BRINP2: variants seen among roughly 807,000 people sequenced by gnomAD.
BRINP2 encodes BMP/retinoic acid-inducible neural-specific protein 2.
BRINP2 carries 21 observed loss-of-function variants against 69.2 expected under a neutral mutation model. That is an observed-to-expected ratio of 0.30 (90% CI 0.22 to 0.44). The LOEUF is 0.44. Ranked by LOEUF, BRINP2 falls within the 20% of genes least tolerant of loss-of-function variation. BRINP2 has a pLI of 1.00. For missense variants in BRINP2, 877 were observed against 986.0 expected, an observed-to-expected ratio of 0.89 and a Z score of 1.48; for synonymous variants, 380 against 394.1, an observed-to-expected ratio of 0.96 and a Z score of 0.42.
At chr1:177,228,480 G>A (rs994378143) in intron 1 of BRINP2, among the ~76,000 whole-genome samples, 2 of 152,146 alleles carry the variant, frequency 1.3e-5, no homozygotes, top group African/African-American at 2.4e-5. Context: ...TCTGGCAGGG[G>A]GCATAAATCA....
chr1:177,218,534 T>C (rs372798117), intron 1 of BRINP2, among the ~76,000 whole-genome samples: 29 of 152,364 alleles, frequency 1.9e-4, no homozygotes, highest in East Asian at 1.2e-3. Flanking sequence ...CTCCTGACTT[T>C]GTTTTTACCT....
Position 177,281,581 on chromosome 1 carries a change from C to T in BRINP2, c.*53C>T. 1 of 1,524,878 alleles carries T rather than the reference C, an allele frequency of 6.6e-7. No homozygotes were observed. The highest frequency in any genetic ancestry group is 8.7e-7 in the Non-Finnish European group (1 of 1,143,322). 94.5% of individuals were successfully genotyped at this position (1,524,878 alleles called of 1,614,324 possible). ...GGAGGGGATCCATGAATCTGGGGTACAAAGATAATCTAAGCCCTCACCTTA... is the reference window on the plus strand; with the variant it reads ...GGAGGGGATCCATGAATCTGGGGTATAAAGATAATCTAAGCCCTCACCTTA... On this transcript the variant is annotated 3_prime_UTR_variant, in exon 8 of 8. Transcript: ENST00000361539.
intron 2 of BRINP2, among the ~76,000 whole-genome samples, chr1:177,243,666 A>G (rs1334960067): frequency 6.6e-6 from 1 of 152,250 alleles, no homozygotes; most frequent in Non-Finnish European, 1.5e-5. Flanking sequence ...TAGTCAAAAT[A>G]GGGTAACTGC....
At chr1:177,276,544 ATG>A in intron 6 of BRINP2, 110 bp downstream of exon 6, 4 of 953,342 alleles carry the variant, frequency 4.2e-6, no homozygotes, top group Non-Finnish European at 6.4e-6. Flanking sequence ...GGATCCTGAC[ATG>A]ACCACTTAAT....
At chr1:177,275,173 A>G (rs966714812) in intron 5 of BRINP2, 1 of 456,284 alleles carries the variant, frequency 2.2e-6, no homozygotes, top group Admixed American at 2.3e-5. Context: ...CCCTTTGTTC[A>G]TCCTTTGGTA....
In BRINP2 at chr1:177,187,664, G is replaced by A. The variant is rs535592609; in HGVS notation, c.-77+15932G>A. On this transcript the variant is annotated intron_variant, in intron 1 of 7. Transcript: ENST00000361539. ...GGCCGCTCAACCACTCATGTATGTCGGTATGTCGACTTCCGCTCTTGTTCT... is the reference window on the plus strand; with the variant it reads ...GGCCGCTCAACCACTCATGTATGTCAGTATGTCGACTTCCGCTCTTGTTCT... Among the ~76,000 whole-genome samples the A allele has an allele frequency of 1.8e-4, 27 of 152,162 alleles. 2 individuals are homozygous for A. The South Asian group carries it at 1.9e-3, about 11-fold the overall frequency.
At chr1:177,268,825 G>A (rs1283409116) in intron 4 of BRINP2, among the ~76,000 whole-genome samples, 5 of 152,182 alleles carry the variant, frequency 3.3e-5, no homozygotes, top group African/African-American at 4.8e-5. Context: ...GGTGAAGGCA[G>A]ACTTACATGG....
intron 1 of BRINP2, among the ~76,000 whole-genome samples, chr1:177,178,943 A>T (rs765084962): frequency 9.9e-5 from 15 of 152,214 alleles, no homozygotes; most frequent in Non-Finnish European, 1.8e-4. Flanking sequence ...CTTAAGTGTC[A>T]GGCAGACACT....
chr1:177,185,500 G>A (rs1487925599), intron 1 of BRINP2, among the ~76,000 whole-genome samples: 4 of 152,172 alleles, frequency 2.6e-5, no homozygotes, highest in Non-Finnish European at 4.4e-5. Flanking sequence ...AAGTGCATGC[G>A]GAGTTAGGGG....
intron 2 of BRINP2, among the ~76,000 whole-genome samples, chr1:177,253,011 G>A (rs780393178): frequency 6.6e-6 from 1 of 152,054 alleles, no homozygotes; most frequent in Non-Finnish European, 1.5e-5. Flanking sequence ...ATAAACATGA[G>A]GGTGCAGATA....
chr1:177,270,726 T>C (rs547482592), intron 4 of BRINP2, among the ~76,000 whole-genome samples: 59 of 151,818 alleles, frequency 3.9e-4, no homozygotes, highest in Non-Finnish European at 7.8e-4. Flanking sequence ...GACGACGGAG[T>C]GGGCAGCTTA....
intron 1 of BRINP2, among the ~76,000 whole-genome samples, chr1:177,200,225 G>A: frequency 8.0e-6 from 1 of 124,524 alleles, no homozygotes; most frequent in African/African-American, 3.6e-5. Flanking sequence ...CCAGGAGGCA[G>A]AGGTTGCAGT....
At chr1:177,274,847 A>G (rs1020748986) in intron 5 of BRINP2, among the ~76,000 whole-genome samples, 65 of 152,302 alleles carry the variant, frequency 4.3e-4, no homozygotes, top group African/African-American at 1.5e-3. Flanking sequence ...AGGAAAATTT[A>G]GGGGCAGTAC....
chr1:177,218,054 G>A (rs1190556191), intron 1 of BRINP2, among the ~76,000 whole-genome samples: 2 of 152,206 alleles, frequency 1.3e-5, no homozygotes, highest in Non-Finnish European at 2.9e-5. Context: ...GTGAGGTGTG[G>A]GGATGGGCTT....
At chr1:177,215,358 A>G (rs757859999) in intron 1 of BRINP2, among the ~76,000 whole-genome samples, 13 of 152,202 alleles carry the variant, frequency 8.5e-5, no homozygotes, top group Non-Finnish European at 1.8e-4. Context: ...GGACATTTTC[A>G]CAACATTTAT....
intron 2 of BRINP2, among the ~76,000 whole-genome samples, chr1:177,248,344 G>A (rs1650453620): frequency 6.6e-6 from 1 of 152,038 alleles, no homozygotes; most frequent in South Asian, 2.1e-4. Context: ...TGCTCAAAAA[G>A]TTTTGGATTT....
intron 6 of BRINP2, 26 bp downstream of exon 6, chr1:177,276,460 C>G (rs747161407): frequency 6.3e-7 from 1 of 1,599,480 alleles, no homozygotes; most frequent in Non-Finnish European, 8.6e-7. Flanking sequence ...TCCTCCCTGT[C>G]AATGAGAGGT....
At chr1:177,230,767 C>G (rs955937134) in intron 2 of BRINP2, among the ~76,000 whole-genome samples, 1 of 152,182 alleles carries the variant, frequency 6.6e-6, no homozygotes, top group Non-Finnish European at 1.5e-5. Flanking sequence ...ATAAGCCAGG[C>G]ACATATTCCT....
chr1:177,200,934 C>T (rs1648891919), intron 1 of BRINP2, among the ~76,000 whole-genome samples: 1 of 152,006 alleles, frequency 6.6e-6, no homozygotes, highest in East Asian at 1.9e-4. Context: ...AGTGAAGTAA[C>T]TCAGGAATGG....
Sources: allele counts gnomAD v4.1 joint callset (sites outside exome capture counted in the v4.1 genomes callset), GRCh38; gene constraint gnomAD v4.1.1; transcripts MANE v1.5; gene names NCBI Gene and HGNC (gene_info 2026-07-23, HGNC 2026-07-21).